NOP58: variants seen among roughly 807,000 people sequenced by gnomAD.
The protein encoded by NOP58 is nucleolar protein 58.
NOP58 carries 44 observed loss-of-function variants against 71.2 expected under a neutral mutation model. That is an observed-to-expected ratio of 0.62 (90% CI 0.49 to 0.79). The LOEUF (loss-of-function observed/expected upper bound fraction) is 0.79, where lower values mean the gene tolerates loss of function less well. Ranked by LOEUF, NOP58 falls within the 30% of genes least tolerant of loss-of-function variation. The probability of loss-of-function intolerance (pLI) is 0.00; values close to 1 mark genes in which losing one functional copy is unlikely to be tolerated. For synonymous variants in NOP58, 228 were observed against 200.3 expected, an observed-to-expected ratio of 1.14 and a Z score of -1.17; for missense variants, 538 against 620.2, an observed-to-expected ratio of 0.87 and a Z score of 1.41.
At chr2:202,269,460 T>A (rs1423305267) in intron 1 of NOP58, among the ~76,000 whole-genome samples, 1 of 152,012 alleles carries the variant, frequency 6.6e-6, no homozygotes, top group Non-Finnish European at 1.5e-5. Flanking sequence ...CACTTATGTG[T>A]TTAGAGCGAT....
At chr2:202,293,812 TG>T (rs1688944680) in intron 9 of NOP58, among the ~76,000 whole-genome samples, 1 of 151,564 alleles carries the variant, frequency 6.6e-6, no homozygotes. Flanking sequence ...TGACCTCAGG[TG>T]ATCTGCGCAC....
chr2:202,281,530 C>A (rs1284000830), intron 3 of NOP58, among the ~76,000 whole-genome samples: 1 of 152,154 alleles, frequency 6.6e-6, no homozygotes, highest in East Asian at 1.9e-4. Flanking sequence ...GCCTTGAACT[C>A]CCTGGGCTCA....
chr2:202,288,991 G>T (rs1251003377), intron 6 of NOP58, among the ~76,000 whole-genome samples: 2 of 151,854 alleles, frequency 1.3e-5, no homozygotes, highest in Non-Finnish European at 2.9e-5. Flanking sequence ...GAGGTGGCGT[G>T]TGCCTATAGT....
chr2:202,300,316 G>A lies in NOP58; in HGVS notation c.1351G>A (p.Glu451Lys), dbSNP rs765531603. The change falls in exon 13 of 15, where the codon GAG (glutamate) becomes AAG (lysine). Residue 451 changes from glutamate (E) to lysine (K), a missense_variant. Physicochemically the swap from Glu to Lys is moderately conservative, Grantham distance 56 (BLOSUM62 1). Coordinates refer to ENST00000264279, the MANE Select transcript of NOP58 (RefSeq NM_015934.5). ...ACGCAAAATAGAACAGGTAGATAAA[G>A]AGGATGAAATTACTGAAAAGAAAGC... is the stretch of plus-strand genomic sequence containing the variant. ...KKRKIEQVDK[E>K]DEITEKKAKK... The A allele has an allele frequency of 2.6e-5, 42 of 1,599,008 alleles. No homozygotes were observed. Among genetic ancestry groups the A allele is most frequent in the Non-Finnish European group, 3.5e-5 (41 of 1,176,404 alleles).
intron 2 of NOP58, among the ~76,000 whole-genome samples, chr2:202,277,639 A>G (rs1688626236): frequency 6.6e-6 from 1 of 152,182 alleles, no homozygotes; most frequent in Non-Finnish European, 1.5e-5. Context: ...TATGCTGTAT[A>G]ATAAAGTCAT....
At chr2:202,274,894 G>T (rs1232180097) in intron 1 of NOP58, among the ~76,000 whole-genome samples, 1 of 152,208 alleles carries the variant, frequency 6.6e-6, no homozygotes, top group Non-Finnish European at 1.5e-5. Flanking sequence ...TACTACAGCT[G>T]ACTGGACTAG....
intron 13 of NOP58, 82 bp downstream of exon 13, chr2:202,300,449 C>T: frequency 8.7e-7 from 1 of 1,148,604 alleles, no homozygotes; most frequent in Non-Finnish European, 1.2e-6. Context: ...AAGTACATGC[C>T]ATCCCACTTT....
In NOP58 at chr2:202,300,249, C is replaced by G. The variant is rs138554847; in HGVS notation, c.1284C>G (p.Tyr428Ter). ...GGTCTTTCAGTGAAGTGAAGACTTA[C>G]GATCCTTCTGGTGACTCCACACTTC... Reference protein sequence around the residue: ...KYEHKSEVKTYDPSGDSTLPT... With the variant: ...KYEHKSEVKT Residue 428 changes from tyrosine (Y) to a stop codon, truncating the protein, a stop_gained, in exon 13 of 15, where the codon TAC (tyrosine) becomes TAG (stop). Coordinates refer to ENST00000264279, the MANE Select transcript of NOP58 (RefSeq NM_015934.5). LOFTEE classifies it high-confidence loss of function. 10 of 1,585,846 alleles carry G rather than the reference C, an allele frequency of 6.3e-6. No individual in the cohort carries two copies. The highest frequency in any genetic ancestry group is 8.5e-6 in the Non-Finnish European group (10 of 1,173,556).
intron 4 of NOP58, among the ~76,000 whole-genome samples, chr2:202,283,213 G>T (rs543264293): frequency 6.6e-6 from 1 of 152,008 alleles, no homozygotes; most frequent in Non-Finnish European, 1.5e-5. Flanking sequence ...CACCATGCTG[G>T]CTAATTATTT....
At chr2:202,269,409 C>G (rs1559258356) in intron 1 of NOP58, among the ~76,000 whole-genome samples, 1 of 149,688 alleles carries the variant, frequency 6.7e-6, no homozygotes, top group African/African-American at 2.5e-5. Flanking sequence ...CTCCTGGCCT[C>G]AAGGTGCTGG....
chr2:202,273,168 A>G (rs1688538022), intron 1 of NOP58, among the ~76,000 whole-genome samples: 1 of 152,196 alleles, frequency 6.6e-6, no homozygotes, highest in African/African-American at 2.4e-5. Context: ...ACCATTCTAA[A>G]ACTGAAGTTA....
intron 5 of NOP58, chr2:202,284,833 C>A: frequency 5.2e-6 from 1 of 190,606 alleles, no homozygotes; most frequent in Non-Finnish European, 1.1e-5. Context: ...CTTAGTATTC[C>A]CCCAAATTCT....
chr2:202,289,541 C>T (rs916534551), intron 6 of NOP58, among the ~76,000 whole-genome samples: 19 of 152,148 alleles, frequency 1.2e-4, no homozygotes, highest in African/African-American at 1.7e-4. Context: ...CAGCCTCATA[C>T]GTGTTTGCAA....
At chr2:202,297,073 G>A (rs561564660) in intron 10 of NOP58, among the ~76,000 whole-genome samples, 2 of 152,176 alleles carry the variant, frequency 1.3e-5, no homozygotes, top group Non-Finnish European at 2.9e-5. Flanking sequence ...GGAAAAAGAT[G>A]CACTTCTTTT....
At chr2:202,289,261 A>G (rs2105849286) in intron 6 of NOP58, among the ~76,000 whole-genome samples, 1 of 152,380 alleles carries the variant, frequency 6.6e-6, no homozygotes, top group South Asian at 2.1e-4. Context: ...GAAACAACCC[A>G]GATACCTTTT....
intron 5 of NOP58, chr2:202,284,742 T>C (rs1188100868): frequency 2.8e-6 from 1 of 359,834 alleles, no homozygotes; most frequent in Non-Finnish European, 5.0e-6. Context: ...AAAGGAATTC[T>C]CTACTACTCT....
At chr2:202,276,487 A>ATATTCGTC (rs1454129175) in intron 2 of NOP58, 1 of 516,344 alleles carries the variant, frequency 1.9e-6, no homozygotes, top group East Asian at 5.5e-5. Flanking sequence ...ATCTGACTCA[A>ATATTCGTC]TATTCGTCAC....
intron 3 of NOP58, among the ~76,000 whole-genome samples, chr2:202,281,319 C>T (rs1014938216): frequency 3.3e-5 from 5 of 151,686 alleles, no homozygotes; most frequent in Non-Finnish European, 7.4e-5. Flanking sequence ...TAGAGTGTTT[C>T]GTCATGTTAG....
At chr2:202,288,170 T>C (rs1243458279) in intron 6 of NOP58, among the ~76,000 whole-genome samples, 2 of 152,174 alleles carry the variant, frequency 1.3e-5, no homozygotes, top group Non-Finnish European at 2.9e-5. Flanking sequence ...TATTCTGCTG[T>C]GTCATTAAAT....
Sources: gnomAD v4.1 joint callset for allele counts (sites outside exome capture counted in the v4.1 genomes callset) on GRCh38, gnomAD v4.1.1 for gene constraint, MANE v1.5 for transcripts, NCBI Gene and HGNC (gene_info 2026-07-23, HGNC 2026-07-21) for gene names.